CDC20B: variants seen among roughly 807,000 people sequenced by gnomAD.
The protein encoded by CDC20B is cell division cycle 20B, also known as cell division cycle protein 20 homolog B.
In CDC20B, 58 loss-of-function variants were observed where a neutral mutation model predicts 64.1. The ratio of observed to expected loss-of-function variants is 0.90; its 90% CI spans 0.73 to 1.13. The LOEUF is 1.13. Ranked by LOEUF, CDC20B falls within the 50% of genes most tolerant of loss-of-function variation. CDC20B has a pLI of 0.00. For synonymous variants in CDC20B, 243 were observed against 230.6 expected (o/e 1.05, Z -0.49); for missense variants, 597 against 633.0 (o/e 0.94, Z 0.61).
intron 11 of CDC20B, among the ~76,000 whole-genome samples, chr5:55,117,368 T>G (rs2111790027): frequency 6.6e-6 from 1 of 152,324 alleles, no homozygotes; most frequent in Admixed American, 6.5e-5. Context: ...CAGCCAAAAC[T>G]ATATTTTATG....
intron 4 of CDC20B, among the ~76,000 whole-genome samples, chr5:55,142,199 C>T (rs564431309): frequency 3.9e-5 from 6 of 152,262 alleles, no homozygotes; most frequent in East Asian, 1.9e-4. Context: ...AAAGTCTCCA[C>T]GGCTATGCAG....
intron 2 of CDC20B, among the ~76,000 whole-genome samples, chr5:55,150,003 A>T (rs1743616218): frequency 6.6e-6 from 1 of 152,242 alleles, no homozygotes; most frequent in Admixed American, 6.5e-5. Flanking sequence ...CCGTGGTGGC[A>T]TGTGCCTGTA....
chr5:55,156,877 A>T (rs1743823427), intron 2 of CDC20B, among the ~76,000 whole-genome samples: 1 of 152,186 alleles, frequency 6.6e-6, no homozygotes, highest in Non-Finnish European at 1.5e-5. Flanking sequence ...CTGTCTCAAA[A>T]AATAATAATA....
At chr5:55,134,897 G>C (rs1293843428) in intron 5 of CDC20B, among the ~76,000 whole-genome samples, 1 of 152,290 alleles carries the variant, frequency 6.6e-6, no homozygotes, top group African/African-American at 2.4e-5. Context: ...GAAGGGGAGA[G>C]ACGGATGAAC....
At chr5:55,117,682 T>C (rs766373291) in intron 11 of CDC20B, among the ~76,000 whole-genome samples, 1 of 152,098 alleles carries the variant, frequency 6.6e-6, no homozygotes, top group Non-Finnish European at 1.5e-5. Context: ...GCTCCCTCAG[T>C]GTGTTCATGG....
intron 5 of CDC20B, among the ~76,000 whole-genome samples, chr5:55,137,971 G>C (rs780053206): frequency 6.6e-6 from 1 of 151,904 alleles, no homozygotes; most frequent in East Asian, 1.9e-4. Flanking sequence ...CTGAGAGGTG[G>C]GTTAGTTAAA....
intron 9 of CDC20B, among the ~76,000 whole-genome samples, chr5:55,123,122 A>G (rs1742797116): frequency 1.3e-5 from 2 of 152,248 alleles, no homozygotes; most frequent in Non-Finnish European, 2.9e-5. Flanking sequence ...CTCAAAGTAG[A>G]GGTCTTGGTC....
intron 2 of CDC20B, chr5:55,165,520 A>C (rs1010830457): frequency 2.0e-5 from 3 of 152,232 alleles, no homozygotes; most frequent in Non-Finnish European, 2.9e-5. Flanking sequence ...TCGTATGGCA[A>C]ATTCAGTAAT....
intron 2 of CDC20B, among the ~76,000 whole-genome samples, chr5:55,152,336 A>C (rs944830612): frequency 6.6e-6 from 1 of 152,180 alleles, no homozygotes; most frequent in Non-Finnish European, 1.5e-5. Flanking sequence ...GTGCTTCCAC[A>C]CTCACTGTGC....
intron 2 of CDC20B, among the ~76,000 whole-genome samples, chr5:55,158,846 G>A (rs1163790384): frequency 2.0e-5 from 3 of 152,122 alleles, no homozygotes; most frequent in African/African-American, 7.2e-5. Flanking sequence ...CCTGTGCCAG[G>A]CAACAGCCAG....
chr5:55,171,443 A>ACAAAACTG (rs1234581502), intron 2 of CDC20B, among the ~76,000 whole-genome samples: 1 of 152,240 alleles, frequency 6.6e-6, no homozygotes, highest in Non-Finnish European at 1.5e-5. Flanking sequence ...TGTGCACGAC[A>ACAAAACTG]CAAAACTGCA....
At chr5:55,147,352 A>G (rs947605282) in intron 2 of CDC20B, among the ~76,000 whole-genome samples, 2 of 142,414 alleles carry the variant, frequency 1.4e-5, no homozygotes, top group Admixed American at 7.1e-5. Flanking sequence ...ATATATTTAT[A>G]TATTATATAA....
At position 55,172,881 on chromosome 5, in the gene CDC20B, G is replaced by A; in HGVS notation, c.63+57C>T. ...TGGTCCTAAACAGATATTATGAACG[G>A]GGCCTTCGGCCCCGCATTAGAGAGT... On this transcript the variant is annotated intron_variant, in intron 1 of 11. Coordinates refer to ENST00000381375, the MANE Select transcript of CDC20B (RefSeq NM_001170402.1). 5.4e-6 allele frequency: 8 copies of A among 1,483,688 alleles called. No individual in the cohort carries two copies. The South Asian group carries it at 1.0e-4, about 19-fold the overall frequency. The allele number at this position is 1,483,688 out of a possible 1,614,324, so 91.9% of individuals were successfully genotyped here. A position where few individuals can be genotyped will look rare whatever the true frequency, so the allele number is the denominator to read the frequency against.
intron 2 of CDC20B, among the ~76,000 whole-genome samples, chr5:55,158,691 A>G (rs1383800210): frequency 6.6e-6 from 1 of 152,226 alleles, no homozygotes; most frequent in African/African-American, 2.4e-5. Flanking sequence ...ATCAAATGGC[A>G]TAATGCCCCT....
chr5:55,130,342 A>G (rs1024678528), intron 6 of CDC20B, among the ~76,000 whole-genome samples: 4 of 152,206 alleles, frequency 2.6e-5, no homozygotes, highest in Non-Finnish European at 5.9e-5. Context: ...AAGAATGTGG[A>G]GAAAAAATTT....
At chr5:55,160,918 G>C (rs1210680770) in intron 2 of CDC20B, 4 of 1,467,348 alleles carry the variant, frequency 2.7e-6, no homozygotes, top group Non-Finnish European at 1.8e-6. Context: ...AAATTGTTTA[G>C]GATTTTAACT....
intron 5 of CDC20B, chr5:55,136,821 C>A (rs1300752557): frequency 6.6e-6 from 1 of 152,132 alleles, no homozygotes; most frequent in African/African-American, 2.4e-5. Flanking sequence ...TGACAATAAT[C>A]TCATGAATAA....
chr5:55,133,112 T>C (rs1051753999), intron 6 of CDC20B, among the ~76,000 whole-genome samples: 4 of 152,228 alleles, frequency 2.6e-5, no homozygotes, highest in Admixed American at 6.5e-5. Context: ...GTTGTTTGAC[T>C]GATTCGATTT....
At chr5:55,157,692 T>G (rs779587941) in intron 2 of CDC20B, among the ~76,000 whole-genome samples, 10 of 152,242 alleles carry the variant, frequency 6.6e-5, no homozygotes, top group Non-Finnish European at 7.3e-5. Context: ...AGCATAATTT[T>G]GGCATTTTCA....
Sources: allele counts gnomAD v4.1 joint callset (sites outside exome capture counted in the v4.1 genomes callset), GRCh38; gene constraint gnomAD v4.1.1; transcripts MANE v1.5; gene names NCBI Gene and HGNC (gene_info 2026-07-23, HGNC 2026-07-21).